Variants in NEK11 observed in about 807,000 individuals in gnomAD.
The protein encoded by NEK11 is NIMA related kinase 11, also known as serine/threonine-protein kinase Nek11.
A neutral mutation model predicts 80.7 loss-of-function variants in NEK11; 72 were observed. That is an observed-to-expected ratio of 0.89 (90% CI 0.74 to 1.08). NEK11 has a LOEUF of 1.08. Among genes scored for constraint, NEK11 ranks in the 50% least tolerant of loss-of-function variants. The pLI, the probability that NEK11 is intolerant of heterozygous loss-of-function variation, is 0.00. For missense variants in NEK11, 764 were observed against 763.6 expected, an observed-to-expected ratio of 1.00 and a Z score of -0.01; for synonymous variants, 251 against 260.7, an observed-to-expected ratio of 0.96 and a Z score of 0.36.
At chr3:131,128,216 C>T (rs893295366) in intron 5 of NEK11, among the ~76,000 whole-genome samples, 1 of 152,116 alleles carries the variant, frequency 6.6e-6, no homozygotes, top group East Asian at 1.9e-4. Flanking sequence ...TAGTGCTATA[C>T]ATTCTTTGAG....
chr3:131,097,579 G>A (rs1343889302), intron 4 of NEK11, among the ~76,000 whole-genome samples: 5 of 152,078 alleles, frequency 3.3e-5, no homozygotes, highest in Non-Finnish European at 4.4e-5. Flanking sequence ...TTTTGATGGG[G>A]TTGTTTGTTT....
At chr3:131,087,230 AAATT>A in intron 4 of NEK11, among the ~76,000 whole-genome samples, 1 of 144,194 alleles carries the variant, frequency 6.9e-6, no homozygotes, top group Admixed American at 7.6e-5. Flanking sequence ...AGAAATATGC[AAATT>A]CTTTTTTTTT....
At chr3:131,102,908 G>A (rs908587989) in intron 4 of NEK11, among the ~76,000 whole-genome samples, 6 of 151,916 alleles carry the variant, frequency 3.9e-5, no homozygotes, top group South Asian at 2.1e-4. Context: ...GAGTTGATTC[G>A]AAGAACTGGT....
intron 14 of NEK11, among the ~76,000 whole-genome samples, chr3:131,173,002 A>T (rs1426307174): frequency 6.6e-6 from 1 of 152,198 alleles, no homozygotes; most frequent in Non-Finnish European, 1.5e-5. Flanking sequence ...CCATGATGAC[A>T]TGGGAAGTTA....
At chr3:131,339,995 A>G (rs990401384) in intron 17 of NEK11, among the ~76,000 whole-genome samples, 2 of 152,260 alleles carry the variant, frequency 1.3e-5, no homozygotes, top group Admixed American at 1.3e-4. Flanking sequence ...TCTAGCATCC[A>G]GATCATTGAA....
At chr3:131,288,682 C>G (rs2096507099) in intron 17 of NEK11, among the ~76,000 whole-genome samples, 1 of 151,956 alleles carries the variant, frequency 6.6e-6, no homozygotes, top group African/African-American at 2.4e-5. Context: ...GAACTCCCGA[C>G]CTCAGGTGAT....
intron 5 of NEK11, among the ~76,000 whole-genome samples, chr3:131,124,919 C>G (rs1298190977): frequency 1.3e-5 from 2 of 152,114 alleles, no homozygotes; most frequent in African/African-American, 4.8e-5. Context: ...CCTTTCTAGG[C>G]CTTGATTTCC....
chr3:131,139,579 T>C (rs1025020699), intron 7 of NEK11, among the ~76,000 whole-genome samples: 7 of 152,168 alleles, frequency 4.6e-5, no homozygotes, highest in African/African-American at 1.7e-4. Context: ...CATTAATAAA[T>C]GATGTGGCAA....
intron 14 of NEK11, among the ~76,000 whole-genome samples, chr3:131,214,327 C>T (rs2094740429): frequency 1.3e-5 from 2 of 152,164 alleles, no homozygotes; most frequent in Admixed American, 1.3e-4. Flanking sequence ...ACACCTAAGG[C>T]CTGGGAGCTT....
At chr3:131,201,212 C>CATAT (rs371650500) in intron 14 of NEK11, among the ~76,000 whole-genome samples, 58 of 145,752 alleles carry the variant, frequency 4.0e-4, no homozygotes, top group African/African-American at 1.4e-3. Flanking sequence ...TATATACTTT[C>CATAT]ATATATATAT....
At chr3:131,053,371 CTT>C (rs1250274035) in intron 3 of NEK11, 10 of 152,168 alleles carry the variant, frequency 6.6e-5, no homozygotes, top group Non-Finnish European at 1.3e-4. Context: ...ATTTAACAAA[CTT>C]TTAATTTCTC....
At position 131,246,035 on chromosome 3, in the gene NEK11, T is replaced by A. The variant is rs1370457160; in HGVS notation, c.1621+2539T>A. Among the ~76,000 whole-genome samples, 5 of 152,290 alleles carry A rather than the reference T, an allele frequency of 3.3e-5. No homozygotes were observed. In the East Asian group the frequency reaches 7.7e-4, roughly 24 times the overall value. ...GGTTTTGTTGCTTATGCTCTTGTAG[T>A]CTTAGTCATGAATTCTTTGCATAGA... On this transcript the variant is annotated intron_variant, in intron 16 of 17. Transcript: ENST00000383366.
At chr3:131,146,516 T>A (rs1310366957) in intron 7 of NEK11, among the ~76,000 whole-genome samples, 1 of 152,138 alleles carries the variant, frequency 6.6e-6, no homozygotes, top group Non-Finnish European at 1.5e-5. Context: ...TAAGAAGACA[T>A]TCTTGAAGTT....
At position 131,162,441 on chromosome 3, in the gene NEK11, A is replaced by G. The variant is rs751335768; in HGVS notation, c.996A>G (p.Ala332=). The change falls in exon 11 of 18, where the codon GCA becomes GCG. Residue 332 remains alanine, a synonymous_variant. Coordinates refer to ENST00000383366, the MANE Select transcript of NEK11 (RefSeq NM_024800.5). ...GGATCCACCTGCAGACTCTGAGGGC[A>G]CTGTCAGAAGTACAGAAAATGACGC... ...QKRIHLQTLR[A]LSEVQKMTPR... The G allele has an allele frequency of 1.9e-6, 3 of 1,614,006 alleles. No homozygotes were observed. Among genetic ancestry groups the G allele is most frequent in the South Asian group, 1.1e-5 (1 of 91,084 alleles).
chr3:131,064,231 G>C (rs2148844639), intron 3 of NEK11, among the ~76,000 whole-genome samples: 1 of 152,290 alleles, frequency 6.6e-6, no homozygotes, highest in Middle Eastern at 3.4e-3. Flanking sequence ...TAGTTTTCCA[G>C]GGCTGCCATA....
At chr3:131,311,234 C>T (rs1339426259) in intron 17 of NEK11, among the ~76,000 whole-genome samples, 2 of 152,106 alleles carry the variant, frequency 1.3e-5, no homozygotes, top group Non-Finnish European at 2.9e-5. Context: ...TGACCTAGAG[C>T]ATTTATCATT....
chr3:131,316,482 G>A (rs1483483655), intron 17 of NEK11, among the ~76,000 whole-genome samples: 1 of 152,188 alleles, frequency 6.6e-6, no homozygotes, highest in East Asian at 1.9e-4. Context: ...TTCACTGGGT[G>A]ACAAAGTTCT....
intron 17 of NEK11, among the ~76,000 whole-genome samples, chr3:131,307,819 T>C (rs911646597): frequency 5.3e-5 from 8 of 152,378 alleles, no homozygotes; most frequent in Middle Eastern, 3.4e-3. Context: ...GTGTGAATTT[T>C]GTAAAGGCGG....
chr3:131,209,924 C>CA (rs2094558305), intron 14 of NEK11, among the ~76,000 whole-genome samples: 1 of 152,082 alleles, frequency 6.6e-6, no homozygotes, highest in South Asian at 2.1e-4. Flanking sequence ...TTGATCTCTT[C>CA]AAAAAACCAG....
Sources: allele counts gnomAD v4.1 joint callset (sites outside exome capture counted in the v4.1 genomes callset), GRCh38; gene constraint gnomAD v4.1.1; transcripts MANE v1.5; gene names NCBI Gene and HGNC (gene_info 2026-07-23, HGNC 2026-07-21).